MARCHF1: variants seen among roughly 807,000 people sequenced by gnomAD.
The protein encoded by MARCHF1 is E3 ubiquitin-protein ligase MARCHF1.
In MARCHF1, 40 loss-of-function variants were observed where a neutral mutation model predicts 54.2. That is an observed-to-expected ratio of 0.74 (90% confidence interval 0.57 to 0.96). The LOEUF (loss-of-function observed/expected upper bound fraction) is 0.96. Among genes scored for constraint, MARCHF1 ranks in the 40% least tolerant of loss-of-function variants. The pLI is 0.00. For synonymous variants in MARCHF1, 236 were observed against 236.3 expected (o/e 1.00, Z 0.01); for missense variants, 586 against 656.5 (o/e 0.89, Z 1.17).
chr4:164,258,391 TATAATA>T (rs201820317), intron 1 of MARCHF1, among the ~76,000 whole-genome samples: 15 of 145,964 alleles, frequency 1.0e-4, no homozygotes, highest in East Asian at 2.0e-4. Flanking sequence ...GAACTTAAAG[TATAATA>T]ATAATAATAA....
intron 1 of MARCHF1, among the ~76,000 whole-genome samples, chr4:164,282,044 C>T (rs958426311): frequency 1.3e-5 from 2 of 150,850 alleles, no homozygotes; most frequent in African/African-American, 4.9e-5. Flanking sequence ...CTCTAGTACC[C>T]AATTTATAAA....
At chr4:163,949,433 G>T (rs1187121796) in intron 3 of MARCHF1, among the ~76,000 whole-genome samples, 2 of 152,180 alleles carry the variant, frequency 1.3e-5, no homozygotes, top group South Asian at 2.1e-4. Context: ...GCTGCAGCTC[G>T]TCTATCCTCT....
chr4:164,113,200 A>G (rs1455189499), intron 1 of MARCHF1, among the ~76,000 whole-genome samples: 1 of 151,932 alleles, frequency 6.6e-6, no homozygotes, highest in African/African-American at 2.4e-5. Flanking sequence ...TCCAAATACA[A>G]GGTATTATGA....
intron 1 of MARCHF1, chr4:164,330,295 T>G (rs1361731102): frequency 2.6e-5 from 4 of 152,168 alleles, no homozygotes; most frequent in African/African-American, 9.7e-5. Flanking sequence ...AAAACCAGTT[T>G]ATTAGGTTGC....
chr4:164,142,367 C>T (rs1484794560), intron 1 of MARCHF1, among the ~76,000 whole-genome samples: 2 of 152,152 alleles, frequency 1.3e-5, no homozygotes, highest in Non-Finnish European at 2.9e-5. Flanking sequence ...CCTCTGGGGG[C>T]AGGGCACAGA....
At chr4:163,543,180 A>G (rs1052994546) in intron 9 of MARCHF1, among the ~76,000 whole-genome samples, 1 of 152,288 alleles carries the variant, frequency 6.6e-6, no homozygotes, top group Non-Finnish European at 1.5e-5. Context: ...CTGGGATTAC[A>G]TTACTGAGCA....
At chr4:164,201,954 T>C (rs1026046850) in intron 1 of MARCHF1, among the ~76,000 whole-genome samples, 4 of 152,364 alleles carry the variant, frequency 2.6e-5, no homozygotes, top group South Asian at 4.1e-4. Context: ...AGATACTTTA[T>C]GTTTCTACTC....
intron 3 of MARCHF1, among the ~76,000 whole-genome samples, chr4:163,906,438 G>C (rs1022223035): frequency 1.3e-5 from 2 of 152,046 alleles, no homozygotes; most frequent in South Asian, 2.1e-4. Flanking sequence ...TAGAAAGCTT[G>C]TTAGATATCT....
At chr4:163,874,641 G>T (rs1750251096) in intron 3 of MARCHF1, among the ~76,000 whole-genome samples, 3 of 152,144 alleles carry the variant, frequency 2.0e-5, no homozygotes, top group African/African-American at 7.2e-5. Flanking sequence ...TACCAGACAT[G>T]AACTCATGCT....
At chr4:163,762,308 C>G (rs572094055) in intron 4 of MARCHF1, among the ~76,000 whole-genome samples, 1 of 152,186 alleles carries the variant, frequency 6.6e-6, no homozygotes, top group African/African-American at 2.4e-5. Context: ...TTGGTTCTAA[C>G]AATTGGTGAA....
chr4:163,883,874 G>T lies in MARCHF1; in HGVS notation c.-38-29705C>A, dbSNP rs73868926. Among the ~76,000 whole-genome samples, 698 of 152,216 alleles carry T rather than the reference G, an allele frequency of 4.6e-3. 4 individuals are homozygous for T. Among genetic ancestry groups the T allele is most frequent in the African/African-American group, 0.016 (671 of 41,532 alleles). On this transcript the variant is annotated intron_variant, in intron 3 of 9. Coordinates refer to ENST00000514618, the MANE Select transcript of MARCHF1 (RefSeq NM_001394959.1). ...GCCCTAGCCTGCATCAAAGCTAAGG[G>T]CATTCAATAAGTCTATCACAAAATA...
intron 1 of MARCHF1, among the ~76,000 whole-genome samples, chr4:164,136,192 T>C (rs533390454): frequency 2.7e-5 from 4 of 150,606 alleles, no homozygotes; most frequent in African/African-American, 9.8e-5. Flanking sequence ...GTGCACCGAT[T>C]TGGACAAAAA....
rs1237649411 is a variant in MARCHF1 at position 163,988,533 on chromosome 4, C to T, written c.-71G>A. On this transcript the variant is annotated 5_prime_UTR_variant, in exon 3 of 10. The change creates a premature stop within an existing upstream ORF in the 5' untranslated region. Coordinates refer to ENST00000514618, the MANE Select transcript of MARCHF1 (RefSeq NM_001394959.1). ...TCCTTGTTCTTCTCTTTGTTTCTGC[C>T]CATTGAATTTCTCCCATTGCTGGCA... The T allele has an allele frequency of 6.6e-6, 1 of 152,250 alleles. No homozygotes were observed. The highest frequency in any genetic ancestry group is 6.6e-5 in the Admixed American group (1 of 15,260). The allele number at this position is 152,250 out of a possible 1,614,324, so 9.4% of individuals were successfully genotyped here.
chr4:163,548,051 T>C (rs1384986801), intron 8 of MARCHF1, among the ~76,000 whole-genome samples: 1 of 152,240 alleles, frequency 6.6e-6, no homozygotes, highest in African/African-American at 2.4e-5. Context: ...AAGATTTTAA[T>C]GTTAATTGAG....
intron 4 of MARCHF1, among the ~76,000 whole-genome samples, chr4:163,824,298 A>G (rs1431144962): frequency 6.6e-6 from 1 of 151,988 alleles, no homozygotes; most frequent in African/African-American, 2.4e-5. Context: ...AGAGATATAG[A>G]TCAATGGAAC....
chr4:164,030,583 A>G (rs1753857060), intron 2 of MARCHF1, among the ~76,000 whole-genome samples: 1 of 152,182 alleles, frequency 6.6e-6, no homozygotes, highest in Non-Finnish European at 1.5e-5. Flanking sequence ...CATTTTTAAT[A>G]ACAATAAAAC....
chr4:164,272,915 A>G (rs1733778070), intron 1 of MARCHF1, among the ~76,000 whole-genome samples: 1 of 152,002 alleles, frequency 6.6e-6, no homozygotes. Context: ...TTACATAGCT[A>G]TTTTCTTAAG....
chr4:163,638,742 A>T (rs1358267915), intron 5 of MARCHF1, among the ~76,000 whole-genome samples: 1 of 152,198 alleles, frequency 6.6e-6, no homozygotes, highest in Non-Finnish European at 1.5e-5. Flanking sequence ...CATTCGCAAT[A>T]GCCAAAAGGT....
chr4:164,073,012 G>A (rs555321755), intron 2 of MARCHF1, among the ~76,000 whole-genome samples: 1 of 152,274 alleles, frequency 6.6e-6, no homozygotes, highest in Admixed American at 6.5e-5. Flanking sequence ...GAAAATGAGT[G>A]AGTTTTAAAA....
Sources: gnomAD v4.1 joint callset for allele counts (sites outside exome capture counted in the v4.1 genomes callset) on GRCh38, gnomAD v4.1.1 for gene constraint, MANE v1.5 for transcripts, NCBI Gene and HGNC (gene_info 2026-07-23, HGNC 2026-07-21) for gene names.